The following TMEM170B variants were observed in gnomAD, a reference collection of about 807,000 sequenced individuals.
TMEM170B encodes transmembrane protein 170B.
TMEM170B carries 6 observed loss-of-function variants against 13.0 expected under a neutral mutation model. That is an observed-to-expected ratio of 0.46 (90% confidence interval 0.25 to 0.91). The LOEUF is 0.91. Ranked by LOEUF, TMEM170B falls within the 40% of genes least tolerant of loss-of-function variation. The probability of loss-of-function intolerance (pLI) is 0.17; values close to 1 mark genes in which losing one functional copy is unlikely to be tolerated. For missense variants in TMEM170B, 138 were observed against 165.2 expected (o/e 0.84, Z 0.90); for synonymous variants, 61 against 64.9 (o/e 0.94, Z 0.29).
chr6:11,549,110 G>T (rs1759482319), intron 1 of TMEM170B, among the ~76,000 whole-genome samples: 2 of 152,242 alleles, frequency 1.3e-5, no homozygotes, highest in Non-Finnish European at 2.9e-5. Context: ...TAAGAGGAGA[G>T]CCCAGAGAGT....
chr6:11,551,885 C>T (rs562501534), intron 1 of TMEM170B, among the ~76,000 whole-genome samples: 1 of 152,274 alleles, frequency 6.6e-6, no homozygotes, highest in East Asian at 1.9e-4. Flanking sequence ...GATTATGTTG[C>T]TGCTCTTGGG....
chr6:11,549,964 T>A lies in TMEM170B; in HGVS notation c.97+11590T>A, dbSNP rs903379244. On this transcript the variant is annotated intron_variant, in intron 1 of 2. Transcript: ENST00000379426. ...AACATACTCCATTACTCCCCTTCAT[T>A]TGGTATGTTATCCCATATACTTACA... Among the ~76,000 whole-genome samples, 11 of 152,150 alleles carry A rather than the reference T, an allele frequency of 7.2e-5. 1 individual carries two copies. The highest frequency in any genetic ancestry group is 7.2e-4 in the Admixed American group (11 of 15,278).
At chr6:11,562,440 AAC>A (rs1759679193) in intron 1 of TMEM170B, among the ~76,000 whole-genome samples, 3 of 150,790 alleles carry the variant, frequency 2.0e-5, no homozygotes, top group African/African-American at 7.3e-5. Flanking sequence ...ATGGTAGTTT[AAC>A]ACACACTGTA....
In TMEM170B at chr6:11,582,946, ATACC is replaced by A. The variant is rs1020042318; in HGVS notation, c.*7388_*7391del. 6 of 152,298 alleles carry A rather than the reference ATACC, an allele frequency of 3.9e-5. No individual in the cohort carries two copies. In the East Asian group the frequency reaches 9.6e-4, roughly 24 times the overall value. The allele number at this position is 152,298 out of a possible 1,614,324, so 9.4% of individuals were successfully genotyped here. A position where few individuals can be genotyped will look rare whatever the true frequency, so the allele number is the denominator to read the frequency against. On this transcript the variant is annotated 3_prime_UTR_variant, in exon 3 of 3. Transcript: ENST00000379426. ...ATTTTAAAAACTATGTTTATATATA[ATACC>A]TAACAAGCTGTAAATATTGTATATT... is the stretch of plus-strand genomic sequence containing the variant.
rs529929268 is a variant in TMEM170B, at chr6:11,559,309, G to A, written c.98-6357G>A. Among the ~76,000 whole-genome samples the A allele has an allele frequency of 5.3e-5, 8 of 151,006 alleles. No individual in the cohort carries two copies. In the South Asian group the frequency reaches 8.3e-4, roughly 16 times the overall value. On this transcript the variant is annotated intron_variant, in intron 1 of 2. Transcript: ENST00000379426. ...CCTCCTGGGCTCAAGTGATTCTCCC[G>A]TCTCAGCCTCCTGGGTAGTGAGGGA... is the stretch of plus-strand genomic sequence containing the variant.
At position 11,582,028 on chromosome 6, in the gene TMEM170B, G is replaced by A. The variant is rs1226230832; in HGVS notation, c.*6467G>A. The A allele has an allele frequency of 2.6e-5, 4 of 152,196 alleles. No homozygotes were observed. The highest frequency in any genetic ancestry group is 3.4e-3 in the Middle Eastern group (1 of 294). 9.4% of individuals were successfully genotyped at this position (152,196 alleles called of 1,614,324 possible). A position where few individuals can be genotyped will look rare whatever the true frequency, so the allele number is the denominator to read the frequency against. On this transcript the variant is annotated 3_prime_UTR_variant, in exon 3 of 3. Coordinates refer to ENST00000379426, the MANE Select transcript of TMEM170B (RefSeq NM_001100829.3). ...ACACACATTCAGACTTGAGCTGCAC[G>A]CATTTAGATGAACAAATAGGAAATT...
Position 11,582,523 on chromosome 6 carries a change from C to A in TMEM170B, c.*6962C>A, listed in dbSNP as rs1324859685. The A allele has an allele frequency of 6.6e-6, 1 of 152,076 alleles. No individual in the cohort carries two copies. Among genetic ancestry groups the A allele is most frequent in the African/African-American group, 2.4e-5 (1 of 41,396 alleles). The allele number at this position is 152,076 out of a possible 1,614,324, so 9.4% of individuals were successfully genotyped here. On this transcript the variant is annotated 3_prime_UTR_variant, in exon 3 of 3. Transcript: ENST00000379426. ...ATGACAGCTACTTTCACTATATTTT[C>A]ATGATGTGGTATTTTTCTCTATTTT... is the stretch of plus-strand genomic sequence containing the variant.
chr6:11,569,421 G>T (rs1396170784), intron 2 of TMEM170B, among the ~76,000 whole-genome samples: 1 of 152,124 alleles, frequency 6.6e-6, no homozygotes, highest in Non-Finnish European at 1.5e-5. Context: ...TAATTTTACA[G>T]TTTTTCCTTT....
chr6:11,560,470 G>C (rs185007875), intron 1 of TMEM170B, among the ~76,000 whole-genome samples: 4 of 151,046 alleles, frequency 2.6e-5, no homozygotes, highest in Non-Finnish European at 5.9e-5. Flanking sequence ...TGAGAGCCAG[G>C]CATAGTTGTA....
chr6:11,559,192 C>A (rs564308), intron 1 of TMEM170B, among the ~76,000 whole-genome samples: 139,345 of 148,702 alleles, frequency 0.94, 65,728 homozygotes, highest in East Asian at 1. Flanking sequence ...TTTTTCTTTT[C>A]TTTTCTTTTT....
intron 1 of TMEM170B, among the ~76,000 whole-genome samples, chr6:11,563,559 C>T (rs1008008793): frequency 2.0e-5 from 3 of 152,222 alleles, no homozygotes; most frequent in Non-Finnish European, 2.9e-5. Flanking sequence ...TTGTGACTGA[C>T]TGTAAGTCGG....
At position 11,571,992 on chromosome 6, in the gene TMEM170B, C is replaced by T. The variant is rs556366916; in HGVS notation, c.269-3439C>T. ...TTAATCAGATAGATAATATCTCTTA[C>T]CCACTAGATTGGCAAAAAAAATTAA... On this transcript the variant is annotated intron_variant, in intron 2 of 2. Coordinates refer to ENST00000379426, the MANE Select transcript of TMEM170B (RefSeq NM_001100829.3). 5.3e-5 allele frequency among the ~76,000 whole-genome samples: 8 copies of T among 152,178 alleles called. No homozygotes were observed. In the South Asian group the frequency reaches 1.7e-3, roughly 32 times the overall value.
In TMEM170B at chr6:11,578,337, G is replaced by A. The variant is rs181191182; in HGVS notation, c.*2776G>A. On this transcript the variant is annotated 3_prime_UTR_variant, in exon 3 of 3. Coordinates refer to ENST00000379426, the MANE Select transcript of TMEM170B (RefSeq NM_001100829.3). ...TCTTCGTGACAAATGCAAGAAGGGA[G>A]GGAGGATCCTCTATAGTGGACACTC... 1 of 152,188 alleles carries A rather than the reference G, an allele frequency of 6.6e-6. No homozygotes were observed. The highest frequency in any genetic ancestry group is 1.9e-4 in the East Asian group (1 of 5,184). The allele number at this position is 152,188 out of a possible 1,614,324, so 9.4% of individuals were successfully genotyped here. A position where few individuals can be genotyped will look rare whatever the true frequency, so the allele number is the denominator to read the frequency against.
rs1205159178 is a variant in TMEM170B at position 11,578,356 on chromosome 6, G to A, written c.*2795G>A. On this transcript the variant is annotated 3_prime_UTR_variant, in exon 3 of 3. Transcript: ENST00000379426. ...AAGGGAGGGAGGATCCTCTATAGTG[G>A]ACACTCCTTTATTTAAAAAATGTTT... The A allele has an allele frequency of 6.6e-6, 1 of 152,194 alleles. No homozygotes were observed. The highest frequency in any genetic ancestry group is 1.9e-4 in the East Asian group (1 of 5,188). The allele number at this position is 152,194 out of a possible 1,614,324, so 9.4% of individuals were successfully genotyped here. A position where few individuals can be genotyped will look rare whatever the true frequency, so the allele number is the denominator to read the frequency against.
At chr6:11,552,892 G>T (rs1480406769) in intron 1 of TMEM170B, among the ~76,000 whole-genome samples, 2 of 152,124 alleles carry the variant, frequency 1.3e-5, no homozygotes, top group Non-Finnish European at 2.9e-5. Flanking sequence ...TTATAAGGCT[G>T]GTCCTGTGTC....
intron 1 of TMEM170B, among the ~76,000 whole-genome samples, chr6:11,554,752 A>G (rs552681): frequency 0.21 from 32,116 of 152,076 alleles, 4,085 homozygotes; most frequent in South Asian, 0.45. Context: ...GCACTATGTT[A>G]AAGCAGCTCT....
intron 2 of TMEM170B, among the ~76,000 whole-genome samples, chr6:11,573,060 ATG>A (rs1247382517): frequency 6.6e-6 from 1 of 152,124 alleles, no homozygotes; most frequent in Non-Finnish European, 1.5e-5. Flanking sequence ...GCATGTATAT[ATG>A]TGTGTTTATA....
chr6:11,560,525 C>T (rs932407947), intron 1 of TMEM170B, among the ~76,000 whole-genome samples: 5 of 146,034 alleles, frequency 3.4e-5, no homozygotes, highest in Admixed American at 7.0e-5. Context: ...GCAGGAGAAT[C>T]GTTTGAGCCC....
chr6:11,545,282 G>GTC (rs1759420792), intron 1 of TMEM170B, among the ~76,000 whole-genome samples: 4 of 120,536 alleles, frequency 3.3e-5, no homozygotes, highest in African/African-American at 1.4e-4. Context: ...CTCTCTCTCT[G>GTC]TGTGTGTGTG....
Sources: allele counts gnomAD v4.1 joint callset (sites outside exome capture counted in the v4.1 genomes callset), GRCh38; gene constraint gnomAD v4.1.1; transcripts MANE v1.5; gene names NCBI Gene and HGNC (gene_info 2026-07-23, HGNC 2026-07-21).